Variants in KNTC1 observed in about 807,000 individuals in gnomAD.
KNTC1 encodes the protein kinetochore associated 1, also known as kinetochore-associated protein 1.
Under a neutral mutation model 314.4 loss-of-function variants are expected in KNTC1, and 253 were observed. The ratio of observed to expected loss-of-function variants is 0.80; its 90% CI spans 0.73 to 0.89. KNTC1 has a LOEUF of 0.89. KNTC1 is among the 40% of genes least tolerant of loss of function. The probability of loss-of-function intolerance (pLI) is 0.00; values close to 1 mark genes in which losing one functional copy is unlikely to be tolerated. For missense variants in KNTC1, 2,475 were observed against 2,572.9 expected (o/e 0.96, Z 0.82); for synonymous variants, 901 against 901.4 (o/e 1.00, Z 0.01).
At chr12:122,548,446 G>A (rs1291167996) in intron 12 of KNTC1, among the ~76,000 whole-genome samples, 2 of 152,014 alleles carry the variant, frequency 1.3e-5, no homozygotes, top group Admixed American at 6.6e-5. Context: ...CTGACCTGGT[G>A]ATTTGCCTGC....
chr12:122,578,775 A>G (rs1407490002), intron 31 of KNTC1, among the ~76,000 whole-genome samples: 1 of 152,038 alleles, frequency 6.6e-6, no homozygotes, highest in Non-Finnish European at 1.5e-5. Flanking sequence ...CTCTCAGTCC[A>G]TTTCAGTAAT....
chr12:122,603,387 T>G (rs552995122), intron 48 of KNTC1, 144 bp downstream of exon 48: 1 of 678,134 alleles, frequency 1.5e-6, no homozygotes, highest in East Asian at 2.7e-5. Flanking sequence ...TCAAGGGCAG[T>G]GGGCATGGGC....
intron 6 of KNTC1, among the ~76,000 whole-genome samples, 174 bp downstream of exon 6, chr12:122,542,301 C>A (rs1962404937): frequency 6.6e-6 from 1 of 152,164 alleles, no homozygotes; most frequent in South Asian, 2.1e-4. Context: ...TCTGTTAGAG[C>A]TGGAACAGTA....
intron 34 of KNTC1, among the ~76,000 whole-genome samples, chr12:122,583,528 T>G (rs1868745990): frequency 6.6e-6 from 1 of 152,038 alleles, no homozygotes; most frequent in Admixed American, 6.6e-5. Context: ...CCTTAGTCAT[T>G]TGAAAAACAG....
At chr12:122,608,470 A>G (rs1185146970) in intron 51 of KNTC1, among the ~76,000 whole-genome samples, 1 of 152,152 alleles carries the variant, frequency 6.6e-6, no homozygotes, top group East Asian at 1.9e-4. Flanking sequence ...ATCATTTGGC[A>G]TTTGATTCAA....
rs940997956 is a variant in KNTC1, at chr12:122,541,566, C to G, written c.446-484C>G. Reference sequence around the variant, plus strand: ...TTCACCATGTTGGTCAGGCTGGTCTCGAGCTCCTGACCTCGTGATCTACCT... The same window carrying G: ...TTCACCATGTTGGTCAGGCTGGTCTGGAGCTCCTGACCTCGTGATCTACCT... On this transcript the variant is annotated intron_variant, in intron 5 of 63. Transcript: ENST00000333479. Among the ~76,000 whole-genome samples the G allele has an allele frequency of 2.0e-5, 3 of 151,252 alleles. No homozygotes were observed. In the East Asian group the frequency reaches 6.0e-4, roughly 30 times the overall value.
intron 16 of KNTC1, among the ~76,000 whole-genome samples, chr12:122,554,281 T>C (rs987481604): frequency 2.6e-5 from 4 of 151,348 alleles, no homozygotes; most frequent in Non-Finnish European, 5.9e-5. Flanking sequence ...AGGGTCTTGC[T>C]ATGTTGCCCA....
chr12:122,544,026 G>T lies in KNTC1; in HGVS notation c.559-133G>T, dbSNP rs570452014. The T allele has an allele frequency of 2.8e-5, 13 of 457,442 alleles. No individual in the cohort carries two copies. In the Admixed American group the frequency reaches 5.1e-4, roughly 18 times the overall value. 28.3% of individuals were successfully genotyped at this position (457,442 alleles called of 1,614,324 possible). On this transcript the variant is annotated intron_variant, in intron 7 of 63. Transcript: ENST00000333479. ...ATTGCGCCATTGCACTCTAGCCTGG[G>T]CAACAAGAGCAAAACTCTGTCTCCA... is the stretch of plus-strand genomic sequence containing the variant.
intron 45 of KNTC1, 200 bp downstream of exon 45, chr12:122,601,825 C>T: frequency 2.0e-6 from 1 of 502,896 alleles, no homozygotes; most frequent in South Asian, 3.8e-5. Context: ...TATCACTTAT[C>T]TTCATCCTTT....
intron 13 of KNTC1, 36 bp from the exon 14 acceptor site, chr12:122,551,283 T>C (rs1341248379): frequency 7.5e-7 from 1 of 1,329,474 alleles, no homozygotes; most frequent in Non-Finnish European, 1.1e-6. Context: ...ATTGCTCTTA[T>C]ATTGGAATTT....
Position 122,570,428 on chromosome 12 carries a change from A to G in KNTC1, c.1861-448A>G, listed in dbSNP as rs1456726336. ...GCCACTCGGGAGTCTGAGGCAGTAGAATTGCTTGACCCAGGAGGTTGCAGT... is the reference window on the plus strand; with the variant it reads ...GCCACTCGGGAGTCTGAGGCAGTAGGATTGCTTGACCCAGGAGGTTGCAGT... On this transcript the variant is annotated intron_variant, in intron 22 of 63. Transcript: ENST00000333479. Among the ~76,000 whole-genome samples, 4 of 151,844 alleles carry G rather than the reference A, an allele frequency of 2.6e-5. No homozygotes were observed. The East Asian group carries it at 7.7e-4, about 29-fold the overall frequency.
intron 18 of KNTC1, among the ~76,000 whole-genome samples, chr12:122,560,030 C>A (rs1017896002): frequency 2.0e-5 from 3 of 152,146 alleles, no homozygotes; most frequent in Admixed American, 6.5e-5. Context: ...CCCTGGCAAA[C>A]CATATGCTGT....
In KNTC1 at chr12:122,592,722, G is replaced by A. The variant is rs1381654177; in HGVS notation, c.4245+1269G>A. On this transcript the variant is annotated intron_variant, in intron 42 of 63. Coordinates refer to ENST00000333479, the MANE Select transcript of KNTC1 (RefSeq NM_014708.6). ...AGGGATTGTAAACGCACCAATCAGCGTCCTGTCAAAACAGGCCACTCGGCT... is the reference window on the plus strand; with the variant it reads ...AGGGATTGTAAACGCACCAATCAGCATCCTGTCAAAACAGGCCACTCGGCT... 8.5e-5 allele frequency: 13 copies of A among 152,296 alleles called. No homozygotes were observed. The East Asian group carries it at 2.3e-3, about 27-fold the overall frequency. The allele number at this position is 152,296 out of a possible 1,614,324, so 9.4% of individuals were successfully genotyped here.
intron 1 of KNTC1, 87 bp from the exon 2 acceptor site, chr12:122,529,904 T>A (rs1011320262): frequency 4.7e-6 from 3 of 636,164 alleles, no homozygotes; most frequent in Non-Finnish European, 7.6e-6. Flanking sequence ...AAGACTAAGA[T>A]GTCTGTATAT....
At position 122,610,895 on chromosome 12, in the gene KNTC1, A is replaced by G; in HGVS notation, c.5617A>G (p.Thr1873Ala). Reference protein sequence around the residue: ...RMLFVFATSTTTTLGMHQLTF... With the variant: ...RMLFVFATSTATTLGMHQLTF... Reference sequence around the variant, plus strand: ...GCTGTTTGTATTTGCAACATCAACTACAACCGTAAGCTCTAGAAACTTAAT... The same window carrying G: ...GCTGTTTGTATTTGCAACATCAACTGCAACCGTAAGCTCTAGAAACTTAAT... The change falls in exon 53 of 64, where the codon ACA (threonine) becomes GCA (alanine). Residue 1873 changes from threonine to alanine, a missense_variant. Transcript: ENST00000333479. The G allele has an allele frequency of 2.5e-6, 4 of 1,609,320 alleles. No homozygotes were observed. In the South Asian group the frequency reaches 3.3e-5, roughly 13 times the overall value.
intron 42 of KNTC1, chr12:122,592,673 G>A (rs574851506): frequency 6.6e-6 from 1 of 152,292 alleles, no homozygotes; most frequent in East Asian, 1.9e-4. Flanking sequence ...TGATGGGGAC[G>A]TGGAGAACCT....
rs772247665 is a variant in KNTC1, at chr12:122,557,472, T to C, written c.1361T>C (p.Leu454Pro). The C allele has an allele frequency of 1.2e-6, 2 of 1,613,840 alleles. No individual in the cohort carries two copies. The highest frequency in any genetic ancestry group is 2.2e-5 in the South Asian group (2 of 91,074). ...DASEQTEWQQ[L>P]VDDAKENLHK... ...AGTGAACAGACCGAATGGCAACAAC[T>C]TGTAGACGACGCTAAGGAAAATCTA... Residue 454 changes from leucine to proline, a missense_variant, in exon 17 of 64, where the codon CTT becomes CCT. Transcript: ENST00000333479.
chr12:122,577,903 G>T, intron 31 of KNTC1, 112 bp downstream of exon 31: 2 of 954,420 alleles, frequency 2.1e-6, no homozygotes, highest in Non-Finnish European at 2.9e-6. Context: ...TCACTGCTAG[G>T]GTGGCCTAGT....
chr12:122,613,687 T>C lies in KNTC1; in HGVS notation c.5803T>C (p.Tyr1935His). 1.2e-6 allele frequency: 2 copies of C among 1,612,994 alleles called. No individual in the cohort carries two copies. The highest frequency in any genetic ancestry group is 1.7e-6 in the Non-Finnish European group (2 of 1,179,464). Residue 1935 changes from tyrosine to histidine, a missense_variant, in exon 55 of 64, where the codon TAT becomes CAT. Physicochemically the swap from Tyr to His is moderately conservative, Grantham distance 83 (BLOSUM62 2). Transcript: ENST00000333479. ...TGAGACTTTGAATATCCCCATCACATATGAATTATTTTGCAGCAGTCCTAA... is the reference window on the plus strand; with the variant it reads ...TGAGACTTTGAATATCCCCATCACACATGAATTATTTTGCAGCAGTCCTAA... ...SFETLNIPIT[Y>H]ELFCSSPKEG...
Sources: allele counts gnomAD v4.1 joint callset (sites outside exome capture counted in the v4.1 genomes callset), GRCh38; gene constraint gnomAD v4.1.1; transcripts MANE v1.5; gene names NCBI Gene and HGNC (gene_info 2026-07-23, HGNC 2026-07-21).